Variants in CD276 observed in about 807,000 individuals in gnomAD.
CD276 encodes CD276 antigen.
CD276 carries 34 observed loss-of-function variants against 50.0 expected under a neutral mutation model. The observed-to-expected ratio is 0.68, with a 90% CI of 0.52 to 0.91. CD276 has a LOEUF of 0.91. Among genes scored for constraint, CD276 ranks in the 40% least tolerant of loss-of-function variants. CD276 has a pLI of 0.00. For missense variants in CD276, 634 were observed against 717.5 expected (o/e 0.88, Z 1.33); for synonymous variants, 275 against 313.0 (o/e 0.88, Z 1.28).
At chr15:73,692,620 T>C (rs1435060327) in intron 1 of CD276, among the ~76,000 whole-genome samples, 1 of 152,196 alleles carries the variant, frequency 6.6e-6, no homozygotes, top group African/African-American at 2.4e-5. Flanking sequence ...ATATATAACA[T>C]GGGTAACTTT....
chr15:73,710,159 A>G (rs1370175712), intron 8 of CD276, among the ~76,000 whole-genome samples: 2 of 152,238 alleles, frequency 1.3e-5, no homozygotes, highest in African/African-American at 2.4e-5. Context: ...GAGATAATGT[A>G]TATAAAGGAC....
chr15:73,691,198 G>C (rs1191858300), intron 1 of CD276, among the ~76,000 whole-genome samples: 1 of 150,524 alleles, frequency 6.6e-6, no homozygotes, highest in East Asian at 2.0e-4. Flanking sequence ...TTCAGTTACA[G>C]ATAATAGAAA....
chr15:73,688,298 A>G (rs187081439), intron 1 of CD276, among the ~76,000 whole-genome samples: 129 of 152,112 alleles, frequency 8.5e-4, no homozygotes, highest in Non-Finnish European at 1.3e-3. Context: ...CAATAATAAC[A>G]GCAATAATAA....
chr15:73,693,104 C>T (rs1040074240), intron 1 of CD276, among the ~76,000 whole-genome samples: 5 of 152,168 alleles, frequency 3.3e-5, no homozygotes, highest in Admixed American at 3.3e-4. Flanking sequence ...CCCCGGTGTA[C>T]TGAATGGTGG....
In CD276 at chr15:73,699,621, T is replaced by C. The variant is rs1390686574; in HGVS notation, c.-19T>C. On this transcript the variant is annotated 5_prime_UTR_variant, in exon 2 of 10. Transcript: ENST00000318443. Reference sequence around the variant, plus strand: ...CCTTCCACCACGGGGAGCCCAGCTGTCAGCCGCCTCACAGGAAGATGCTGC... The same window carrying C: ...CCTTCCACCACGGGGAGCCCAGCTGCCAGCCGCCTCACAGGAAGATGCTGC... 6.2e-7 allele frequency: 1 copy of C among 1,612,784 alleles called. No homozygotes were observed. The highest frequency in any genetic ancestry group is 2.2e-5 in the East Asian group (1 of 44,864).
chr15:73,702,678 G>C, intron 3 of CD276, 85 bp downstream of exon 3: 1 of 1,554,796 alleles, frequency 6.4e-7, no homozygotes, highest in Non-Finnish European at 8.7e-7. Flanking sequence ...ACTGCTCCCA[G>C]AACCCCAGTG....
At chr15:73,696,615 C>T (rs1015402209) in intron 1 of CD276, among the ~76,000 whole-genome samples, 1 of 152,186 alleles carries the variant, frequency 6.6e-6, no homozygotes, top group African/African-American at 2.4e-5. Flanking sequence ...TGGAGGGAAG[C>T]GCAGCTCGGC....
At chr15:73,705,187 CT>C (rs1294515374) in intron 6 of CD276, among the ~76,000 whole-genome samples, 1 of 152,188 alleles carries the variant, frequency 6.6e-6, no homozygotes, top group African/African-American at 2.4e-5. Flanking sequence ...CTCAGTCTGG[CT>C]CTTCAGTATC....
chr15:73,702,964 T>C lies in CD276; in HGVS notation c.611T>C (p.Val204Ala). The stretch of plus-strand genomic sequence containing the variant: ...GCCAACGAGCAGGGCTTGTTTGATG[T>C]GCACAGCATCCTGCGGGTGGTGCTG... The part of the protein sequence containing the change: ...QMANEQGLFD[V>A]HSILRVVLGA... The change falls in exon 4 of 10, where the codon GTG becomes GCG. Residue 204 changes from valine to alanine, a missense_variant. By Grantham distance (64) the Val-to-Ala change is moderately conservative. Coordinates refer to ENST00000318443, the MANE Select transcript of CD276 (RefSeq NM_001024736.2). 6.2e-7 allele frequency: 1 copy of C among 1,614,202 alleles called. No homozygotes were observed. The highest frequency in any genetic ancestry group is 8.5e-7 in the Non-Finnish European group (1 of 1,180,044).
Position 73,713,158 on chromosome 15 carries a change from T to C in CD276, c.*202T>C, listed in dbSNP as rs1207847953. 1.8e-6 allele frequency: 1 copy of C among 556,088 alleles called. No homozygotes were observed. Among genetic ancestry groups the C allele is most frequent in the Non-Finnish European group, 3.2e-6 (1 of 315,600 alleles). 34.4% of individuals were successfully genotyped at this position (556,088 alleles called of 1,614,324 possible). A position where few individuals can be genotyped will look rare whatever the true frequency, so the allele number is the denominator to read the frequency against. The stretch of plus-strand genomic sequence containing the variant: ...TCCCAAGTCATCCTGCTGCCTTTTT[T>C]CTTATAGACACAATGAACAGACCAC... On this transcript the variant is annotated 3_prime_UTR_variant, in exon 10 of 10. Transcript: ENST00000318443.
chr15:73,709,307 A>G (rs1900788032), intron 7 of CD276, among the ~76,000 whole-genome samples: 1 of 149,946 alleles, frequency 6.7e-6, no homozygotes, highest in African/African-American at 2.5e-5. Context: ...TGGCTGGGTG[A>G]GTGGTGGGCT....
chr15:73,711,257 C>T (rs1900890503), intron 9 of CD276, 87 bp downstream of exon 9: 1 of 1,409,128 alleles, frequency 7.1e-7, no homozygotes, highest in Non-Finnish European at 1.0e-6. Context: ...ATCATCCTTT[C>T]ACTAGTGACC....
chr15:73,686,379 C>A (rs1001098828), intron 1 of CD276: 8 of 785,052 alleles, frequency 1.0e-5, no homozygotes, highest in Non-Finnish European at 1.2e-5. Context: ...TCCTTCCTGT[C>A]CCCTCTTCAG....
chr15:73,691,785 CT>C (rs2141540645), intron 1 of CD276, among the ~76,000 whole-genome samples: 1 of 152,316 alleles, frequency 6.6e-6, no homozygotes, highest in Non-Finnish European at 1.5e-5. Flanking sequence ...GAATTTGCCT[CT>C]TTGTCAAGGA....
chr15:73,688,168 C>A (rs1262320697), intron 1 of CD276, among the ~76,000 whole-genome samples: 1 of 151,914 alleles, frequency 6.6e-6, no homozygotes, highest in Non-Finnish European at 1.5e-5. Flanking sequence ...GAGTAATGGT[C>A]CCAGAGGCCC....
intron 1 of CD276, among the ~76,000 whole-genome samples, chr15:73,695,547 C>T (rs1230682962): frequency 6.6e-6 from 1 of 152,156 alleles, no homozygotes; most frequent in Non-Finnish European, 1.5e-5. Flanking sequence ...TCCTTGAGGA[C>T]AGACGTGTAC....
At chr15:73,699,170 A>T in intron 1 of CD276, among the ~76,000 whole-genome samples, 1 of 152,068 alleles carries the variant, frequency 6.6e-6, no homozygotes, top group East Asian at 1.9e-4. Context: ...TGCCTTTAGG[A>T]TACATTTCAC....
chr15:73,685,790 G>A (rs760023561), intron 1 of CD276, among the ~76,000 whole-genome samples: 16 of 152,270 alleles, frequency 1.1e-4, no homozygotes, highest in Admixed American at 2.0e-4. Flanking sequence ...AGGTGGGACA[G>A]TTTGAGGCTG....
In CD276 at chr15:73,702,783, A is replaced by G. The variant is rs71399752; in HGVS notation, c.430A>G (p.Lys144Glu). 6.2e-7 allele frequency: 1 copy of G among 1,611,910 alleles called. No individual in the cohort carries two copies. The highest frequency in any genetic ancestry group is 8.5e-7 in the Non-Finnish European group (1 of 1,179,056). ...TCTGTCACCTCCAGCTCCCTACTCGAAGCCCAGCATGACCCTGGAGCCCAA... is the reference window on the plus strand; with the variant it reads ...TCTGTCACCTCCAGCTCCCTACTCGGAGCCCAGCATGACCCTGGAGCCCAA... ...VSLQVAAPYS[K>E]PSMTLEPNKD... is the part of the protein sequence containing the mutation. Residue 144 changes from lysine (K) to glutamate (E), a missense_variant, in exon 4 of 10, where the codon AAG becomes GAG. By Grantham distance (56) the Lys-to-Glu change is moderately conservative. Coordinates refer to ENST00000318443, the MANE Select transcript of CD276 (RefSeq NM_001024736.2).
Sources: gnomAD v4.1 joint callset for allele counts (sites outside exome capture counted in the v4.1 genomes callset) on GRCh38, gnomAD v4.1.1 for gene constraint, MANE v1.5 for transcripts, NCBI Gene and HGNC (gene_info 2026-07-23, HGNC 2026-07-21) for gene names.